Variants in PCDH15 observed in about 807,000 individuals in gnomAD.
PCDH15 encodes protocadherin related 15.
A neutral mutation model predicts 178.5 loss-of-function variants in PCDH15; 129 were observed. The observed-to-expected ratio is 0.72, with a 90% CI of 0.63 to 0.84. The LOEUF (loss-of-function observed/expected upper bound fraction) is 0.84. Ranked by LOEUF, PCDH15 falls within the 40% of genes least tolerant of loss-of-function variation. The pLI is 0.00. For synonymous variants in PCDH15, 800 were observed against 732.0 expected (o/e 1.09, Z -1.50); for missense variants, 2,230 against 2,099.9 (o/e 1.06, Z -1.21).
chr10:55,295,864 GGCTC>G (rs1843118749), intron 1 of PCDH15, among the ~76,000 whole-genome samples: 3 of 151,790 alleles, frequency 2.0e-5, no homozygotes, highest in African/African-American at 7.3e-5. Flanking sequence ...ACAAGTTAAG[GGCTC>G]AGCCTCACAA....
At chr10:54,395,429 T>TACAC (rs3069910) in intron 3 of PCDH15, among the ~76,000 whole-genome samples, 58,607 of 144,834 alleles carry the variant, frequency 0.4, 12,789 homozygotes, top group Non-Finnish European at 0.51. Context: ...GTGCATGTAT[T>TACAC]ACACACACAC....
At chr10:54,723,968 A>G (rs1381703966) in intron 1 of PCDH15, among the ~76,000 whole-genome samples, 1 of 151,808 alleles carries the variant, frequency 6.6e-6, no homozygotes. Flanking sequence ...TCTTCTATTA[A>G]AAACAGTATG....
rs774481734 is a variant in PCDH15 at position 54,911,651 on chromosome 10, G to C, written c.-79-14151C>G. 2.0e-5 allele frequency among the ~76,000 whole-genome samples: 3 copies of C among 152,232 alleles called. No individual in the cohort carries two copies. The East Asian group carries it at 5.8e-4, about 29-fold the overall frequency. On this transcript the variant is annotated intron_variant, in intron 2 of 5. Coordinates refer to the PCDH15 transcript ENST00000458638. ...TCTCATATTGAATTGTAATCCCCAG[G>C]TGTCAAGGGAGGGACCAGGTGGAAA...
intron 32 of PCDH15, chr10:53,822,094 C>T: frequency 6.2e-7 from 1 of 1,613,972 alleles, no homozygotes; most frequent in Non-Finnish European, 8.5e-7. Context: ...CCTTTTGGTT[C>T]TCTCTGAGGG....
chr10:53,836,171 G>T (rs1417826379), intron 29 of PCDH15, among the ~76,000 whole-genome samples: 1 of 152,100 alleles, frequency 6.6e-6, no homozygotes, highest in Non-Finnish European at 1.5e-5. Context: ...CAAAGTAGAG[G>T]TCTACTATGG....
At chr10:55,020,515 A>G (rs1840299040) in intron 2 of PCDH15, among the ~76,000 whole-genome samples, 1 of 152,104 alleles carries the variant, frequency 6.6e-6, no homozygotes, top group South Asian at 2.1e-4. Flanking sequence ...AAAGGGAAAA[A>G]CAGATATATG....
intron 2 of PCDH15, among the ~76,000 whole-genome samples, chr10:55,608,974 A>T (rs1443739289): frequency 6.6e-6 from 1 of 151,766 alleles, no homozygotes; most frequent in Non-Finnish European, 1.5e-5. Flanking sequence ...TTAATCCAAA[A>T]GCGATTGTCT....
At chr10:55,225,191 C>T (rs865779744) in intron 1 of PCDH15, among the ~76,000 whole-genome samples, 5 of 151,706 alleles carry the variant, frequency 3.3e-5, no homozygotes, top group African/African-American at 4.9e-5. Context: ...AACAAAAGTA[C>T]GTAACAAATA....
intron 2 of PCDH15, among the ~76,000 whole-genome samples, chr10:55,607,101 A>G (rs1021919687): frequency 1.3e-5 from 2 of 152,212 alleles, no homozygotes; most frequent in African/African-American, 4.8e-5. Flanking sequence ...ATGAACATAC[A>G]TTTCTCAAAA....
intron 1 of PCDH15, among the ~76,000 whole-genome samples, chr10:54,796,964 T>C (rs1036092303): frequency 1.3e-5 from 2 of 152,016 alleles, no homozygotes; most frequent in Admixed American, 1.3e-4. Context: ...CCATAAGGAT[T>C]CAGTGATGCA....
chr10:55,604,703 C>A (rs1843171769), intron 2 of PCDH15, among the ~76,000 whole-genome samples: 1 of 143,308 alleles, frequency 7.0e-6, no homozygotes, highest in Non-Finnish European at 1.5e-5. Context: ...CCAACGAGAA[C>A]AAAGACACAA....
At chr10:55,516,859 C>T (rs1841025397) in intron 2 of PCDH15, among the ~76,000 whole-genome samples, 1 of 152,008 alleles carries the variant, frequency 6.6e-6, no homozygotes, top group Non-Finnish European at 1.5e-5. Context: ...ATCACATGGG[C>T]TGTGTATTTC....
intron 3 of PCDH15, among the ~76,000 whole-genome samples, chr10:54,505,201 A>G (rs755449473): frequency 1.3e-5 from 2 of 152,090 alleles, no homozygotes; most frequent in Non-Finnish European, 2.9e-5. Flanking sequence ...TCTTTTTTCC[A>G]TCATCCAAGG....
intron 21 of PCDH15, among the ~76,000 whole-genome samples, chr10:53,963,388 A>G (rs899192532): frequency 6.6e-6 from 1 of 151,252 alleles, no homozygotes; most frequent in Middle Eastern, 3.4e-3. Flanking sequence ...TCTGTCTCAG[A>G]CTCTGCTTGT....
chr10:54,665,811 T>C (rs1590927707), intron 1 of PCDH15, among the ~76,000 whole-genome samples: 1 of 152,026 alleles, frequency 6.6e-6, no homozygotes, highest in South Asian at 2.1e-4. Flanking sequence ...CGTGCATTTA[T>C]AATTTCTAGG....
At chr10:55,116,983 G>A (rs1171404793) in intron 2 of PCDH15, among the ~76,000 whole-genome samples, 1 of 152,180 alleles carries the variant, frequency 6.6e-6, no homozygotes, top group Non-Finnish European at 1.5e-5. Flanking sequence ...ACCATTAGGT[G>A]ACACTTTTGT....
intron 1 of PCDH15, among the ~76,000 whole-genome samples, chr10:54,738,559 T>C (rs143092376): frequency 0.011 from 1,718 of 152,092 alleles, 17 homozygotes; most frequent in Non-Finnish European, 0.016. Flanking sequence ...ACTCATTCTA[T>C]GAGGCCAGAA....
chr10:53,991,128 C>A (rs2134796595), intron 21 of PCDH15, among the ~76,000 whole-genome samples: 1 of 152,280 alleles, frequency 6.6e-6, no homozygotes, highest in South Asian at 2.1e-4. Context: ...CCGAGTCTCC[C>A]CAACAGGGTG....
chr10:55,533,069 A>AG (rs1282443858), intron 2 of PCDH15, among the ~76,000 whole-genome samples: 1 of 151,306 alleles, frequency 6.6e-6, no homozygotes, highest in Non-Finnish European at 1.5e-5. Context: ...TCAAAAAGTA[A>AG]AACGTCCCTC....
Sources: allele counts gnomAD v4.1 joint callset (sites outside exome capture counted in the v4.1 genomes callset), GRCh38; gene constraint gnomAD v4.1.1; transcripts MANE v1.5; gene names NCBI Gene and HGNC (gene_info 2026-07-23, HGNC 2026-07-21).